RIMS1: variants seen among roughly 807,000 people sequenced by gnomAD.
The protein encoded by RIMS1 is regulating synaptic membrane exocytosis 1.
In RIMS1, 83 loss-of-function variants were observed where a neutral mutation model predicts 214.1. The ratio of observed to expected loss-of-function variants is 0.39; its 90% CI spans 0.32 to 0.47. The LOEUF (loss-of-function observed/expected upper bound fraction) is 0.47. Among genes scored for constraint, RIMS1 ranks in the 20% least tolerant of loss-of-function variants. The pLI, the probability that RIMS1 is intolerant of heterozygous loss-of-function variation, is 0.99. For synonymous variants in RIMS1, 793 were observed against 786.8 expected (o/e 1.01, Z -0.13); for missense variants, 2,050 against 2,161.8 (o/e 0.95, Z 1.03).
intron 24 of RIMS1, among the ~76,000 whole-genome samples, chr6:72,289,081 C>T (rs1048341983): frequency 3.3e-5 from 5 of 152,166 alleles, no homozygotes; most frequent in South Asian, 2.1e-4. Context: ...GAAAGTTCAC[C>T]GAAATTTTTT....
chr6:72,108,896 T>C (rs1045166994), intron 4 of RIMS1, among the ~76,000 whole-genome samples: 1 of 130,126 alleles, frequency 7.7e-6, no homozygotes, highest in Non-Finnish European at 1.5e-5. Context: ...TTCCCCTTCC[T>C]GTGTCCATGT....
Position 72,098,691 on chromosome 6 carries a change from G to A in RIMS1, c.460-1284G>A, listed in dbSNP as rs148547847. ...ACAGTTTCTTTACCTATGAAGACTG[G>A]ATAGTAATATTTACCTTGTATGGGT... On this transcript the variant is annotated intron_variant, in intron 3 of 33. Transcript: ENST00000521978. Among the ~76,000 whole-genome samples the A allele has an allele frequency of 2.4e-3, 361 of 152,224 alleles. 3 individuals are homozygous for A. Among genetic ancestry groups the A allele is most frequent in the Middle Eastern group, 6.8e-3 (2 of 294 alleles).
intron 29 of RIMS1, among the ~76,000 whole-genome samples, chr6:72,370,554 T>C (rs2098183428): frequency 6.6e-6 from 1 of 152,228 alleles, no homozygotes; most frequent in South Asian, 2.1e-4. Context: ...ATTTTTTACT[T>C]CTGATTCTAC....
chr6:72,109,410 G>A (rs2035529936), intron 4 of RIMS1, among the ~76,000 whole-genome samples: 1 of 151,740 alleles, frequency 6.6e-6, no homozygotes, highest in Non-Finnish European at 1.5e-5. Flanking sequence ...GTGTGAGATG[G>A]TATCTCATTG....
At chr6:72,169,570 A>T (rs1409255938) in intron 4 of RIMS1, among the ~76,000 whole-genome samples, 1 of 152,146 alleles carries the variant, frequency 6.6e-6, no homozygotes, top group African/African-American at 2.4e-5. Flanking sequence ...GGAATTCCCT[A>T]TATTTTATTC....
At chr6:71,944,748 T>G (rs928575853) in intron 1 of RIMS1, among the ~76,000 whole-genome samples, 1 of 152,204 alleles carries the variant, frequency 6.6e-6, no homozygotes, top group East Asian at 1.9e-4. Context: ...ATAGAAATCA[T>G]GTGAGATGTC....
chr6:72,352,991 T>C (rs936753457), intron 29 of RIMS1, among the ~76,000 whole-genome samples: 4 of 141,060 alleles, frequency 2.8e-5, no homozygotes, highest in Non-Finnish European at 4.6e-5. Context: ...TTCTTTTTTT[T>C]TTTTTTTTTT....
At chr6:72,185,896 A>G (rs2049027508) in intron 6 of RIMS1, among the ~76,000 whole-genome samples, 1 of 152,222 alleles carries the variant, frequency 6.6e-6, no homozygotes, top group Admixed American at 6.5e-5. Context: ...CTCAATGTGA[A>G]GACGACGAGG....
rs555050348 is a variant in RIMS1 at position 71,990,499 on chromosome 6, A to G, written c.245+21436A>G. Among the ~76,000 whole-genome samples the G allele has an allele frequency of 8.5e-5, 13 of 152,296 alleles. No homozygotes were observed. In the South Asian group the frequency reaches 2.7e-3, roughly 32 times the overall value. ...AAGACTGTGGTCAGCTATTATTAAC[A>G]GGTGATATTATTTGAGAATGCCACT... On this transcript the variant is annotated intron_variant, in intron 2 of 33. Transcript: ENST00000521978.
At chr6:72,062,701 C>A (rs755266609) in intron 2 of RIMS1, among the ~76,000 whole-genome samples, 3 of 152,122 alleles carry the variant, frequency 2.0e-5, no homozygotes, top group Non-Finnish European at 4.4e-5. Flanking sequence ...CCGCACAGTG[C>A]TGGAAGCCAG....
Position 72,230,742 on chromosome 6 carries a change from G to A in RIMS1, c.1679-3031G>A, listed in dbSNP as rs114973268. 2.2e-3 allele frequency among the ~76,000 whole-genome samples: 335 copies of A among 151,686 alleles called. 1 individual carries two copies. Among genetic ancestry groups the A allele is most frequent in the African/African-American group, 7.7e-3 (321 of 41,496 alleles). On this transcript the variant is annotated intron_variant, in intron 6 of 33. Transcript: ENST00000521978. Reference sequence around the variant, plus strand: ...TTTAGCTGACTTTTATTTCTGCACTGATAGTTGGGTGTTTATTAAGTTTAA... The same window carrying A: ...TTTAGCTGACTTTTATTTCTGCACTAATAGTTGGGTGTTTATTAAGTTTAA...
intron 18 of RIMS1, among the ~76,000 whole-genome samples, chr6:72,259,570 G>A (rs2077130760): frequency 6.6e-6 from 1 of 151,942 alleles, no homozygotes; most frequent in South Asian, 2.1e-4. Flanking sequence ...TAATGTTTCT[G>A]TTATATACTT....
chr6:72,115,999 A>G (rs1048285201), intron 4 of RIMS1, among the ~76,000 whole-genome samples: 5 of 151,932 alleles, frequency 3.3e-5, no homozygotes, highest in Admixed American at 6.6e-5. Flanking sequence ...TGTAATTACT[A>G]TATATTTTTG....
chr6:72,127,409 A>C (rs2039736173), intron 4 of RIMS1, among the ~76,000 whole-genome samples: 1 of 152,164 alleles, frequency 6.6e-6, no homozygotes. Context: ...AGTGTACATA[A>C]AGTTATTTAA....
chr6:72,010,806 C>T (rs1294761733), intron 2 of RIMS1, among the ~76,000 whole-genome samples: 1 of 152,098 alleles, frequency 6.6e-6, no homozygotes, highest in Non-Finnish European at 1.5e-5. Flanking sequence ...GAACTACAAA[C>T]CACTGCTCAA....
At chr6:71,969,093 A>G in intron 2 of RIMS1, 30 bp downstream of exon 2, 1 of 1,593,700 alleles carries the variant, frequency 6.3e-7, no homozygotes, top group Non-Finnish European at 8.6e-7. Flanking sequence ...TATTGACTGA[A>G]AATGTCGTCT....
intron 2 of RIMS1, among the ~76,000 whole-genome samples, chr6:72,014,721 G>A (rs567096522): frequency 4.5e-4 from 68 of 152,298 alleles, no homozygotes; most frequent in Non-Finnish European, 7.1e-4. Context: ...GGCTATGAAT[G>A]AGTTATCTAA....
At chr6:72,066,613 T>G (rs1010180535) in intron 2 of RIMS1, among the ~76,000 whole-genome samples, 1 of 152,202 alleles carries the variant, frequency 6.6e-6, no homozygotes, top group South Asian at 2.1e-4. Context: ...TTCTCTTCTG[T>G]AAAACTGAGA....
At chr6:72,358,529 C>A (rs2097718531) in intron 29 of RIMS1, among the ~76,000 whole-genome samples, 1 of 151,988 alleles carries the variant, frequency 6.6e-6, no homozygotes, top group Non-Finnish European at 1.5e-5. Context: ...ATTACACTTT[C>A]CAGAGATTAC....
Sources: allele counts gnomAD v4.1 joint callset (sites outside exome capture counted in the v4.1 genomes callset), GRCh38; gene constraint gnomAD v4.1.1; transcripts MANE v1.5; gene names NCBI Gene and HGNC (gene_info 2026-07-23, HGNC 2026-07-21).